ST8SIA6: variants seen among roughly 807,000 people sequenced by gnomAD.
ST8SIA6 encodes the protein ST8 alpha-N-acetyl-neuraminide alpha-2,8-sialyltransferase 6.
ST8SIA6 carries 39 observed loss-of-function variants against 33.6 expected under a neutral mutation model. That is an observed-to-expected ratio of 1.16 (90% CI 0.90 to 1.52). The LOEUF (loss-of-function observed/expected upper bound fraction) is 1.52. ST8SIA6 is among the 40% of genes most tolerant of loss of function. ST8SIA6 has a pLI of 0.00. For missense variants in ST8SIA6, 441 were observed against 443.8 expected (o/e 0.99, Z 0.06); for synonymous variants, 172 against 167.2 (o/e 1.03, Z -0.22).
At chr10:17,377,936 T>A (rs1385408790) in intron 3 of ST8SIA6, among the ~76,000 whole-genome samples, 2 of 152,134 alleles carry the variant, frequency 1.3e-5, no homozygotes, top group East Asian at 3.8e-4. Flanking sequence ...CCATAGACAA[T>A]ACAACCGAAA....
chr10:17,422,651 G>A (rs897590537), intron 2 of ST8SIA6, among the ~76,000 whole-genome samples: 1 of 152,162 alleles, frequency 6.6e-6, no homozygotes, highest in Non-Finnish European at 1.5e-5. Context: ...TAAACACTTA[G>A]TGAAACGGAC....
intron 2 of ST8SIA6, among the ~76,000 whole-genome samples, chr10:17,450,428 C>T (rs1027228583): frequency 1.3e-5 from 2 of 152,232 alleles, no homozygotes; most frequent in Middle Eastern, 6.8e-3. Context: ...CCCTAATATA[C>T]CTGAATGTCA....
At chr10:17,356,531 G>A (rs1226045036) in intron 4 of ST8SIA6, among the ~76,000 whole-genome samples, 1 of 151,888 alleles carries the variant, frequency 6.6e-6, no homozygotes, top group African/African-American at 2.4e-5. Flanking sequence ...GGGATTACAA[G>A]TATGCCCCGT....
At position 17,453,609 on chromosome 10, in the gene ST8SIA6, C is replaced by T. The variant is rs771249416; in HGVS notation, c.150G>A (p.Ala50=). ...SREATHGTPA[A]LRTLRSPATA... Reference sequence around the variant, plus strand: ...TCGCCGGGCTCCGGAGCGTCCTCAGCGCTGCGGGGGTGCCGTGGGTGGCCT... The same window carrying T: ...TCGCCGGGCTCCGGAGCGTCCTCAGTGCTGCGGGGGTGCCGTGGGTGGCCT... The change falls in exon 2 of 8, where the codon GCG becomes GCA. Residue 50 remains alanine, a synonymous_variant. Coordinates refer to ENST00000377602, the MANE Select transcript of ST8SIA6 (RefSeq NM_001004470.3). 1.5e-6 allele frequency: 2 copies of T among 1,331,498 alleles called. No individual in the cohort carries two copies. Among genetic ancestry groups the T allele is most frequent in the Non-Finnish European group, 1.9e-6 (2 of 1,033,376 alleles). The allele number at this position is 1,331,498 out of a possible 1,614,324, so 82.5% of individuals were successfully genotyped here.
chr10:17,447,778 A>T (rs1852773338), intron 2 of ST8SIA6, among the ~76,000 whole-genome samples: 1 of 152,188 alleles, frequency 6.6e-6, no homozygotes. Flanking sequence ...ACATGACCCC[A>T]AAAACTATGT....
chr10:17,394,401 T>A (rs1850727830), intron 2 of ST8SIA6, among the ~76,000 whole-genome samples: 1 of 151,134 alleles, frequency 6.6e-6, no homozygotes, highest in South Asian at 2.1e-4. Context: ...ATTTTAGGAA[T>A]TTAATGGGAT....
intron 3 of ST8SIA6, among the ~76,000 whole-genome samples, chr10:17,386,682 G>A (rs977344081): frequency 2.0e-5 from 3 of 152,346 alleles, no homozygotes; most frequent in Middle Eastern, 3.4e-3. Context: ...GCAACAGGCA[G>A]TTTTAATGAA....
At chr10:17,398,441 G>C (rs1281358628) in intron 2 of ST8SIA6, among the ~76,000 whole-genome samples, 1 of 151,866 alleles carries the variant, frequency 6.6e-6, no homozygotes, top group Non-Finnish European at 1.5e-5. Flanking sequence ...CATCCACAAA[G>C]ACCTCTAAAA....
intron 4 of ST8SIA6, among the ~76,000 whole-genome samples, chr10:17,333,717 A>ACATATATT (rs1848406704): frequency 3.0e-5 from 1 of 33,754 alleles, no homozygotes; most frequent in Non-Finnish European, 4.6e-5. Flanking sequence ...ATATATATAT[A>ACATATATT]TTTTTTTTTT....
chr10:17,435,778 T>C (rs1329030607), intron 2 of ST8SIA6, among the ~76,000 whole-genome samples: 1 of 152,182 alleles, frequency 6.6e-6, no homozygotes. Context: ...CCATTGTGTC[T>C]GTGTCTCACC....
chr10:17,396,668 T>C (rs1850818859), intron 2 of ST8SIA6, among the ~76,000 whole-genome samples: 1 of 152,146 alleles, frequency 6.6e-6, no homozygotes, highest in Admixed American at 6.5e-5. Flanking sequence ...TTCTCTCTCC[T>C]GAATATTTCC....
rs1043721773 is a variant in ST8SIA6 at position 17,454,521 on chromosome 10, C to T, written c.-266G>A. Among the ~76,000 whole-genome samples the T allele has an allele frequency of 3.3e-5, 5 of 151,890 alleles. No individual in the cohort carries two copies. Among genetic ancestry groups the T allele is most frequent in the Non-Finnish European group, 7.4e-5 (5 of 67,872 alleles). ...CGCGATCGGCTGGCAGATGACGATT[C>T]GCCGAGCTCGCCGCCTGTCCTCCCG... On this transcript the variant is annotated 5_prime_UTR_variant, in exon 1 of 8. Coordinates refer to ENST00000377602, the MANE Select transcript of ST8SIA6 (RefSeq NM_001004470.3). The surrounding 1 kb of genome is among the most constrained non-coding windows in gnomAD (Gnocchi z 4.1).
intron 2 of ST8SIA6, among the ~76,000 whole-genome samples, chr10:17,398,533 C>T (rs1850913503): frequency 6.6e-6 from 1 of 152,022 alleles, no homozygotes; most frequent in Non-Finnish European, 1.5e-5. Context: ...TAAAACATCC[C>T]AAAGAATAAT....
At chr10:17,369,785 CTTCT>C (rs1007650753) in intron 3 of ST8SIA6, among the ~76,000 whole-genome samples, 1 of 151,948 alleles carries the variant, frequency 6.6e-6, no homozygotes, top group Non-Finnish European at 1.5e-5. Flanking sequence ...ATAAAATCTC[CTTCT>C]TTATCTCTTA....
intron 2 of ST8SIA6, among the ~76,000 whole-genome samples, chr10:17,396,425 G>A (rs995732556): frequency 1.3e-5 from 2 of 152,098 alleles, no homozygotes; most frequent in African/African-American, 2.4e-5. Context: ...GCTACACTAG[G>A]CATCCACTGT....
rs1853006041 is a variant in ST8SIA6, at chr10:17,453,667, C to G, written c.102-10G>C. The G allele has an allele frequency of 1.5e-6, 2 of 1,305,442 alleles. No individual in the cohort carries two copies. Among genetic ancestry groups the G allele is most frequent in the South Asian group, 3.1e-5 (1 of 31,862 alleles). The allele number at this position is 1,305,442 out of a possible 1,614,324, so 80.9% of individuals were successfully genotyped here. A position where few individuals can be genotyped will look rare whatever the true frequency, so the allele number is the denominator to read the frequency against. On this transcript the variant is annotated splice_polypyrimidine_tract_variant and intron_variant, in intron 1 of 7. Transcript: ENST00000377602. ...TTCCTCCACCAGAATCCTGCACAGC[C>G]GGGGAGAAAACTTAAGTTGCTACAC...
At chr10:17,394,373 T>C (rs1850727060) in intron 2 of ST8SIA6, among the ~76,000 whole-genome samples, 1 of 147,348 alleles carries the variant, frequency 6.8e-6, no homozygotes, top group Middle Eastern at 3.3e-3. Flanking sequence ...AAAAAAAAAA[T>C]CCTTACCCAA....
At position 17,349,951 on chromosome 10, in the gene ST8SIA6, CACAT is replaced by C. The variant is rs527730180; in HGVS notation, c.377+9559_377+9562del. ...AATTAAATAAACACACACACACACA[CACAT>C]ACACACACAAATGAAAATGTATTAA... On this transcript the variant is annotated intron_variant, in intron 4 of 7. Coordinates refer to ENST00000377602, the MANE Select transcript of ST8SIA6 (RefSeq NM_001004470.3). Among the ~76,000 whole-genome samples the C allele has an allele frequency of 6.4e-3, 942 of 148,242 alleles. 4 individuals carry two copies. Among genetic ancestry groups the C allele is most frequent in the Non-Finnish European group, 0.011 (705 of 66,852 alleles).
chr10:17,368,543 CA>C (rs1849635189), intron 3 of ST8SIA6, among the ~76,000 whole-genome samples: 1 of 144,734 alleles, frequency 6.9e-6, no homozygotes, highest in African/African-American at 2.6e-5. Flanking sequence ...CTAAGTAATA[CA>C]AAAACAAAAA....
Sources: gnomAD v4.1 joint callset for allele counts (sites outside exome capture counted in the v4.1 genomes callset) on GRCh38, gnomAD v4.1.1 for gene constraint, Gnocchi (gnomAD v3.1) non-coding constraint, MANE v1.5 for transcripts, NCBI Gene and HGNC (gene_info 2026-07-23, HGNC 2026-07-21) for gene names.